Variants in MYOF observed in about 807,000 individuals in gnomAD.
MYOF encodes the protein fer-1-like 3, myoferlin.
MYOF carries 244 observed loss-of-function variants against 284.2 expected under a neutral mutation model. The observed-to-expected ratio is 0.86, with a 90% CI of 0.77 to 0.95. MYOF has a LOEUF of 0.95. Ranked by LOEUF, MYOF falls within the 40% of genes least tolerant of loss-of-function variation. The probability of loss-of-function intolerance (pLI) is 0.00; values close to 1 mark genes in which losing one functional copy is unlikely to be tolerated. For missense variants in MYOF, 2,496 were observed against 2,560.6 expected (o/e 0.97, Z 0.54); for synonymous variants, 904 against 919.7 (o/e 0.98, Z 0.31).
chr10:93,350,175 T>C (rs1256907084), intron 35 of MYOF, among the ~76,000 whole-genome samples: 1 of 152,070 alleles, frequency 6.6e-6, no homozygotes. Context: ...CAGTTAAGAG[T>C]ATAGGAATCA....
At chr10:93,394,755 C>T (rs1466028939) in intron 16 of MYOF, among the ~76,000 whole-genome samples, 3 of 148,556 alleles carry the variant, frequency 2.0e-5, no homozygotes, top group Admixed American at 6.7e-5. Context: ...CCACTGGGCC[C>T]GGCCACCACC....
intron 41 of MYOF, 63 bp from the exon 42 acceptor site, chr10:93,333,976 A>C: frequency 6.5e-7 from 1 of 1,535,926 alleles, no homozygotes; most frequent in Non-Finnish European, 8.8e-7. Flanking sequence ...GGCTCCTGGG[A>C]AGTCCCCTCC....
Position 93,323,309 on chromosome 10 carries a change from G to A in MYOF, c.5321C>T (p.Pro1774Leu). The change falls in exon 47 of 54, where the codon CCA (proline) becomes CTA (leucine). Residue 1774 changes from proline to leucine, a missense_variant. Transcript: ENST00000359263. Reference protein sequence around the residue: ...VDVFPKSLGPPGPPFNITPRK... With the variant: ...VDVFPKSLGPLGPPFNITPRK... The stretch of plus-strand genomic sequence containing the variant: ...GGGTGTGATGTTGAAAGGAGGGCCT[G>A]GTGGCCCCAAACTCTTGGGGAAAAC... 1.9e-6 allele frequency: 3 copies of A among 1,614,022 alleles called. No individual in the cohort carries two copies. The highest frequency in any genetic ancestry group is 2.5e-6 in the Non-Finnish European group (3 of 1,179,906).
chr10:93,329,954 G>T, intron 43 of MYOF, 120 bp from the exon 44 acceptor site: 1 of 1,013,846 alleles, frequency 9.9e-7, no homozygotes, highest in African/African-American at 1.6e-5. Context: ...GGACATCTGA[G>T]CAGGATAACC....
Position 93,482,188 on chromosome 10 carries a change from G to C in MYOF, c.7C>G (p.Arg3Gly). Residue 3 changes from arginine to glycine, a missense_variant, in exon 1 of 54, where the codon CGA (arginine) becomes GGA (glycine). Arg to Gly is a moderately radical substitution (Grantham distance 125, BLOSUM62 -2). This residue lies in a region of MYOF where 57 missense variants were observed against 62.4 expected (regional missense o/e 0.91). Transcript: ENST00000359263. Reference sequence around the variant, plus strand: ...TTGCTGGCAGATTCCACAATCACTCGCAGCATGGTTCTTAGCTGGTAGAAA... The same window carrying C: ...TTGCTGGCAGATTCCACAATCACTCCCAGCATGGTTCTTAGCTGGTAGAAA... ML[R>G]VIVESASNIP... 6.2e-7 allele frequency: 1 copy of C among 1,613,872 alleles called. No homozygotes were observed. The highest frequency in any genetic ancestry group is 1.3e-5 in the African/African-American group (1 of 75,018).
chr10:93,356,950 A>C, intron 29 of MYOF, 102 bp from the exon 30 acceptor site: 1 of 1,199,090 alleles, frequency 8.3e-7, no homozygotes, highest in South Asian at 1.6e-5. Flanking sequence ...CACAGTATTC[A>C]AAATCTACTC....
At chr10:93,321,412 CTTTTTTTTT>C (rs35765868) in intron 48 of MYOF, among the ~76,000 whole-genome samples, 114 of 121,176 alleles carry the variant, frequency 9.4e-4, no homozygotes, top group Non-Finnish European at 1.6e-3. Flanking sequence ...GACTATTAAC[CTTTTTTTTT>C]TTTTTTTTTT....
intron 23 of MYOF, 87 bp from the exon 24 acceptor site, chr10:93,373,172 C>T: frequency 4.0e-6 from 6 of 1,497,706 alleles, no homozygotes; most frequent in Non-Finnish European, 4.6e-6. Context: ...GCTGGACCCT[C>T]AGGGATTCAT....
chr10:93,309,722 C>T lies in MYOF; in HGVS notation c.6147+298G>A, dbSNP rs189439075. ...TGAAGGCAGGAAGATCAGCTGGAAA[C>T]GCTGGCCATAGTCCAGACACACACT... On this transcript the variant is annotated intron_variant, in intron 53 of 53. Transcript: ENST00000359263. 1.0e-3 allele frequency among the ~76,000 whole-genome samples: 159 copies of T among 152,276 alleles called. 1 individual carries two copies. The highest frequency in any genetic ancestry group is 1.1e-3 in the Non-Finnish European group (78 of 68,020).
chr10:93,397,559 A>G, intron 13 of MYOF, 103 bp from the exon 14 acceptor site: 1 of 724,050 alleles, frequency 1.4e-6, no homozygotes. Flanking sequence ...TTACTTATAT[A>G]CTTAGGAACC....
At chr10:93,326,046 T>G in intron 45 of MYOF, 81 bp from the exon 46 acceptor site, 2 of 1,574,742 alleles carry the variant, frequency 1.3e-6, no homozygotes, top group Non-Finnish European at 1.7e-6. Flanking sequence ...CTTCCAGCAC[T>G]TCATCCCAGA....
chr10:93,340,585 G>A (rs1843853072), intron 38 of MYOF, among the ~76,000 whole-genome samples: 1 of 152,036 alleles, frequency 6.6e-6, no homozygotes, highest in Non-Finnish European at 1.5e-5. Context: ...TCCGAACTTG[G>A]TCTAATTCTC....
chr10:93,437,317 A>G (rs1369712911), intron 3 of MYOF, among the ~76,000 whole-genome samples: 2 of 152,146 alleles, frequency 1.3e-5, no homozygotes, highest in Non-Finnish European at 2.9e-5. Flanking sequence ...TTTGTTTACA[A>G]AAGAGAAATG....
intron 3 of MYOF, among the ~76,000 whole-genome samples, chr10:93,439,155 C>G (rs972444757): frequency 3.9e-5 from 6 of 152,178 alleles, no homozygotes; most frequent in African/African-American, 1.4e-4. Flanking sequence ...CCCACCTCTG[C>G]AACTCTGGCC....
chr10:93,408,626 GCTTTTTCCAAGA>G (rs998899492), intron 7 of MYOF, among the ~76,000 whole-genome samples, 149 bp downstream of exon 7: 3 of 152,002 alleles, frequency 2.0e-5, no homozygotes, highest in African/African-American at 4.8e-5. Context: ...AAACTCCAGG[GCTTTTTCCAAGA>G]CCCTGCCATG....
Position 93,399,403 on chromosome 10 carries a change from C to T in MYOF, c.1210G>A (p.Ala404Thr). Reference protein sequence around the residue: ...LVDPFVEVSFAGKKVCTNIIE... With the variant: ...LVDPFVEVSFTGKKVCTNIIE... The stretch of plus-strand genomic sequence containing the variant: ...GATCATGTACAAACCTTTTTTCCAG[C>T]AAAGGAAACTTCTACAAAAGGATCC... The change falls in exon 13 of 54, where the codon GCT becomes ACT. Residue 404 changes from alanine (A) to threonine (T), a missense_variant. Physicochemically the swap from Ala to Thr is moderately conservative, Grantham distance 58. Around this residue, in one of 3 missense-constraint regions of MYOF, gnomAD observed 2,436 missense variants for 2,480.7 expected, o/e 0.98. Transcript: ENST00000359263. 1 of 1,610,420 alleles carries T rather than the reference C, an allele frequency of 6.2e-7. No individual in the cohort carries two copies. The highest frequency in any genetic ancestry group is 8.5e-7 in the Non-Finnish European group (1 of 1,177,716).
At position 93,321,412 on chromosome 10, in the gene MYOF, CTTTTTTTT is replaced by C. The variant is rs35765868; in HGVS notation, c.5457-1407_5457-1400del. Among the ~76,000 whole-genome samples, 92 of 121,176 alleles carry C rather than the reference CTTTTTTTT, an allele frequency of 7.6e-4. 1 individual carries two copies. The highest frequency in any genetic ancestry group is 2.4e-3 in the African/African-American group (83 of 34,208). 79.5% of individuals were successfully genotyped at this position (121,176 alleles called of 152,430 possible). A position where few individuals can be genotyped will look rare whatever the true frequency, so the allele number is the denominator to read the frequency against. On this transcript the variant is annotated intron_variant, in intron 48 of 53. Transcript: ENST00000359263. The stretch of plus-strand genomic sequence containing the variant: ...TGAAAGATTCCTTTTGACTATTAAC[CTTTTTTTT>C]TTTTTTTTTTTTTTTACAAGAGCCA...
intron 1 of MYOF, among the ~76,000 whole-genome samples, chr10:93,479,143 T>TC: frequency 6.6e-6 from 1 of 151,558 alleles, no homozygotes. Context: ...TATGGCTTTT[T>TC]CCTTTTTTTT....
In MYOF at chr10:93,366,056, C is replaced by T. The variant is rs76828856; in HGVS notation, c.2753+336G>A. Among the ~76,000 whole-genome samples the T allele has an allele frequency of 7.8e-4, 119 of 152,234 alleles. 2 individuals are homozygous for T. The East Asian group carries it at 0.021, about 27-fold the overall frequency. On this transcript the variant is annotated intron_variant, in intron 26 of 53. Transcript: ENST00000359263. The stretch of plus-strand genomic sequence containing the variant: ...TGTGAAACTGACGGGGGACCTTGTT[C>T]GCTTGCAAGTAGGGTCAAATCTCAG...
Sources: allele counts gnomAD v4.1 joint callset (sites outside exome capture counted in the v4.1 genomes callset), GRCh38; gene constraint gnomAD v4.1.1; regional missense constraint gnomAD v4.1.1; transcripts MANE v1.5; gene names NCBI Gene and HGNC (gene_info 2026-07-23, HGNC 2026-07-21).